PARD3B: variants seen among roughly 807,000 people sequenced by gnomAD.
PARD3B encodes the protein par-3 family cell polarity regulator beta, also known as partitioning defective 3 homolog B.
PARD3B carries 103 observed loss-of-function variants against 130.2 expected under a neutral mutation model. The ratio of observed to expected loss-of-function variants is 0.79; its 90% CI spans 0.67 to 0.93. PARD3B has a LOEUF of 0.93. Among genes scored for constraint, PARD3B ranks in the 40% least tolerant of loss-of-function variants. PARD3B has a pLI of 0.00. For synonymous variants in PARD3B, 583 were observed against 553.2 expected (o/e 1.05, Z -0.76); for missense variants, 1,609 against 1,499.2 (o/e 1.07, Z -1.21).
intron 13 of PARD3B, among the ~76,000 whole-genome samples, chr2:205,185,052 G>C (rs999079774): frequency 1.3e-5 from 2 of 152,152 alleles, no homozygotes; most frequent in Non-Finnish European, 2.9e-5. Context: ...AATGTCTGCT[G>C]TATAATAAGA....
Position 204,943,560 on chromosome 2 carries a change from A to C in PARD3B, c.223-21592A>C, listed in dbSNP as rs1689083207. ...CTGCAAATTGCTCGTAATGGAGGTA[A>C]ATGGCTTGTGCCATGAGAAACCAAA... On this transcript the variant is annotated intron_variant, in intron 2 of 22. Coordinates refer to ENST00000406610, the MANE Select transcript of PARD3B (RefSeq NM_001302769.2). The surrounding 1 kb of genome is among the most constrained non-coding windows in gnomAD (Gnocchi z 4.2). Among the ~76,000 whole-genome samples the C allele has an allele frequency of 1.3e-5, 2 of 152,164 alleles. No individual in the cohort carries two copies. Among genetic ancestry groups the C allele is most frequent in the African/African-American group, 4.8e-5 (2 of 41,438 alleles).
chr2:205,390,228 G>GA (rs1467706465), intron 18 of PARD3B, among the ~76,000 whole-genome samples: 3 of 148,568 alleles, frequency 2.0e-5, no homozygotes, highest in Non-Finnish European at 3.0e-5. Context: ...ACCCCCAGGG[G>GA]AAAAAACAAT....
intron 1 of PARD3B, among the ~76,000 whole-genome samples, chr2:204,666,594 T>C (rs189570439): frequency 1.4e-4 from 22 of 152,232 alleles, no homozygotes; most frequent in South Asian, 4.1e-4. Flanking sequence ...CAGCTTGAGA[T>C]AGATTTAGAA....
chr2:205,576,275 T>C (rs2053755700), intron 22 of PARD3B, among the ~76,000 whole-genome samples: 1 of 151,640 alleles, frequency 6.6e-6, no homozygotes, highest in Non-Finnish European at 1.5e-5. Context: ...TAACAGTCCT[T>C]TAACAGATGT....
intron 2 of PARD3B, among the ~76,000 whole-genome samples, chr2:204,870,436 C>T (rs546742606): frequency 1.1e-4 from 16 of 152,140 alleles, no homozygotes; most frequent in African/African-American, 3.4e-4. Context: ...GAGGAGACAC[C>T]GATAGTGAAG....
At chr2:204,830,707 T>C (rs1440633409) in intron 2 of PARD3B, among the ~76,000 whole-genome samples, 1 of 152,216 alleles carries the variant, frequency 6.6e-6, no homozygotes, top group Non-Finnish European at 1.5e-5. Context: ...TCACTGTCTC[T>C]GACGTGGGAA....
Position 204,598,482 on chromosome 2 carries a change from C to T in PARD3B, c.120+52363C>T, listed in dbSNP as rs535340481. On this transcript the variant is annotated intron_variant, in intron 1 of 22. Transcript: ENST00000406610. Reference sequence around the variant, plus strand: ...GGGCAGGATATTTAGCCTATAGCCTCGATTTCCTCATCTGTAATATGGGGA... The same window carrying T: ...GGGCAGGATATTTAGCCTATAGCCTTGATTTCCTCATCTGTAATATGGGGA... Among the ~76,000 whole-genome samples the T allele has an allele frequency of 7.2e-5, 11 of 152,032 alleles. 1 individual carries two copies. The highest frequency in any genetic ancestry group is 1.9e-4 in the East Asian group (1 of 5,184).
intron 4 of PARD3B, among the ~76,000 whole-genome samples, chr2:205,056,303 C>A (rs1019614321): frequency 6.6e-6 from 1 of 151,750 alleles, no homozygotes; most frequent in African/African-American, 2.4e-5. Context: ...ATTGTACAGA[C>A]GTTTAAAAGA....
At chr2:204,762,761 C>CTTTTTT (rs5837937) in intron 2 of PARD3B, among the ~76,000 whole-genome samples, 7 of 32,604 alleles carry the variant, frequency 2.1e-4, no homozygotes, top group Non-Finnish European at 4.7e-4. Context: ...TTTTCTTTTT[C>CTTTTTT]TTTTTTTTTT....
At chr2:204,946,882 C>T (rs1029879638) in intron 2 of PARD3B, among the ~76,000 whole-genome samples, 3 of 152,174 alleles carry the variant, frequency 2.0e-5, no homozygotes, top group Non-Finnish European at 1.5e-5. Context: ...GTTCCAGTCC[C>T]TATCCGAAGG....
intron 3 of PARD3B, among the ~76,000 whole-genome samples, chr2:205,039,072 G>GT (rs751847039): frequency 0.014 from 2,079 of 145,284 alleles, 17 homozygotes; most frequent in Non-Finnish European, 0.021. Context: ...ATCATTACCA[G>GT]TTTTTTTTTT....
At chr2:204,812,621 C>T (rs1004699305) in intron 2 of PARD3B, among the ~76,000 whole-genome samples, 5 of 152,050 alleles carry the variant, frequency 3.3e-5, no homozygotes, top group Admixed American at 6.6e-5. Flanking sequence ...CTGTGTTGAC[C>T]GAAGTTGTAT....
intron 20 of PARD3B, among the ~76,000 whole-genome samples, chr2:205,455,338 G>A (rs2106208236): frequency 6.6e-6 from 1 of 152,196 alleles, no homozygotes; most frequent in Middle Eastern, 3.4e-3. Flanking sequence ...CCAAAGGACA[G>A]ATTACATATA....
chr2:204,835,961 G>A (rs1392894694), intron 2 of PARD3B, among the ~76,000 whole-genome samples: 1 of 152,202 alleles, frequency 6.6e-6, no homozygotes, highest in African/African-American at 2.4e-5. Flanking sequence ...AAGATAGTAA[G>A]TCAAGGAGCA....
intron 15 of PARD3B, among the ~76,000 whole-genome samples, chr2:205,196,598 C>A (rs112771512): frequency 2.6e-5 from 4 of 151,776 alleles, no homozygotes; most frequent in African/African-American, 7.3e-5. Context: ...TCTCATTTTC[C>A]TCTGGTACTT....
chr2:205,197,032 G>GGGGGGTGT (rs1553636919), intron 15 of PARD3B, among the ~76,000 whole-genome samples: 8 of 55,258 alleles, frequency 1.4e-4, no homozygotes, highest in African/African-American at 2.3e-4. Flanking sequence ...GTGGGGGGGG[G>GGGGGGTGT]GTGTGTGTGT....
chr2:205,229,252 G>A lies in PARD3B; in HGVS notation c.2141-16526G>A, dbSNP rs2038714118. On this transcript the variant is annotated intron_variant, in intron 15 of 22. Transcript: ENST00000406610. The surrounding 1 kb of genome is among the most constrained non-coding windows in gnomAD (Gnocchi z 5.2). ...GGGCTTGTTGTACCCATCCTTCTTG[G>A]GAAGGTTTTAAATCGGTTCTTGGGG... 6.6e-6 allele frequency among the ~76,000 whole-genome samples: 1 copy of A among 152,086 alleles called. No individual in the cohort carries two copies. The highest frequency in any genetic ancestry group is 2.1e-4 in the South Asian group (1 of 4,830).
chr2:205,384,196 C>T (rs1224380123), intron 18 of PARD3B, among the ~76,000 whole-genome samples: 2 of 152,016 alleles, frequency 1.3e-5, no homozygotes, highest in Non-Finnish European at 1.5e-5. Flanking sequence ...ACATAATCTG[C>T]AAGCCTTATA....
intron 18 of PARD3B, among the ~76,000 whole-genome samples, chr2:205,349,958 G>A (rs997232279): frequency 1.3e-5 from 2 of 151,986 alleles, no homozygotes; most frequent in African/African-American, 4.8e-5. Flanking sequence ...GCACCAAAAC[G>A]CACCCAAGCC....
Sources: allele counts gnomAD v4.1 joint callset (sites outside exome capture counted in the v4.1 genomes callset), GRCh38; gene constraint gnomAD v4.1.1; non-coding constraint Gnocchi (gnomAD v3.1); transcripts MANE v1.5; gene names NCBI Gene and HGNC (gene_info 2026-07-23, HGNC 2026-07-21).